Variants in TNC observed in about 807,000 individuals in gnomAD.
The protein encoded by TNC is tenascin C.
A neutral mutation model predicts 202.4 loss-of-function variants in TNC; 109 were observed. The observed-to-expected ratio is 0.54, with a 90% CI of 0.46 to 0.63. The LOEUF (loss-of-function observed/expected upper bound fraction) is 0.63, where lower values mean the gene tolerates loss of function less well. Among genes scored for constraint, TNC ranks in the 30% least tolerant of loss-of-function variants. The pLI is 0.00. For synonymous variants in TNC, 1,007 were observed against 1,089.7 expected (o/e 0.92, Z 1.50); for missense variants, 2,756 against 2,833.3 (o/e 0.97, Z 0.62).
intron 10 of TNC, among the ~76,000 whole-genome samples, chr9:115,072,674 A>G (rs10982514): frequency 0.086 from 13,161 of 152,206 alleles, 706 homozygotes; most frequent in African/African-American, 0.15. Context: ...AGCAGGCACA[A>G]ATGAGTCCAC....
intron 13 of TNC, 102 bp from the exon 14 acceptor site, chr9:115,060,104 A>C: frequency 7.6e-7 from 1 of 1,316,030 alleles, no homozygotes; most frequent in Non-Finnish European, 1.0e-6. Flanking sequence ...GGGGAAAGAT[A>C]ATTTTTTTTT....
intron 2 of TNC, among the ~76,000 whole-genome samples, chr9:115,087,645 C>T (rs1353503929): frequency 6.6e-6 from 1 of 151,576 alleles, no homozygotes; most frequent in Non-Finnish European, 1.5e-5. Flanking sequence ...GATTATGAGT[C>T]ACTGCCTTGT....
At chr9:115,075,864 C>T (rs1833806813) in intron 9 of TNC, among the ~76,000 whole-genome samples, 168 bp downstream of exon 9, 2 of 152,190 alleles carry the variant, frequency 1.3e-5, no homozygotes, top group Admixed American at 1.3e-4. Context: ...TACAGATGGA[C>T]CGTACTTATG....
chr9:115,060,393 G>A (rs1396415461), intron 13 of TNC, among the ~76,000 whole-genome samples: 6 of 152,314 alleles, frequency 3.9e-5, no homozygotes, highest in African/African-American at 1.4e-4. Flanking sequence ...CCCAATACTA[G>A]CATTTGCTAG....
intron 15 of TNC, among the ~76,000 whole-genome samples, chr9:115,056,111 G>A (rs546511799): frequency 5.9e-5 from 9 of 152,224 alleles, no homozygotes; most frequent in African/African-American, 9.6e-5. Context: ...TTGATGCTAC[G>A]ATGTCAACCC....
At chr9:115,094,873 G>A (rs542729436) in intron 1 of TNC, among the ~76,000 whole-genome samples, 9 of 150,054 alleles carry the variant, frequency 6.0e-5, no homozygotes, top group East Asian at 2.0e-4. Context: ...GTGTGTGTGC[G>A]TTTATGTGCT....
chr9:115,090,616 A>G lies in TNC; in HGVS notation c.403T>C (p.Ser135Pro). The G allele has an allele frequency of 6.2e-7, 1 of 1,606,506 alleles. No individual in the cohort carries two copies. Among genetic ancestry groups the G allele is most frequent in the Non-Finnish European group, 8.5e-7 (1 of 1,175,572 alleles). Residue 135 changes from serine to proline, a missense_variant, in exon 2 of 28, where the codon TCC becomes CCC. Coordinates refer to ENST00000350763, the MANE Select transcript of TNC (RefSeq NM_002160.4). ...RLEELENLVS[S>P]LREQCTAGAG... ...CCTGCAGTACATTGCTCCCTCAGGG[A>G]AGACACCAGGTTCTCCAGCTCCTCC... is the stretch of plus-strand genomic sequence containing the variant.
At chr9:115,031,487 G>A (rs763017870) in intron 23 of TNC, 66 bp downstream of exon 23, 114 of 1,399,536 alleles carry the variant, frequency 8.1e-5, no homozygotes, top group Non-Finnish European at 1.0e-4. Flanking sequence ...AAGTCAAAGG[G>A]GAAGTCAAGG....
chr9:115,037,220 A>T (rs1216090342), intron 20 of TNC, among the ~76,000 whole-genome samples: 1 of 152,234 alleles, frequency 6.6e-6, no homozygotes, highest in Non-Finnish European at 1.5e-5. Flanking sequence ...CAGAGGCTCC[A>T]GGCACAGACG....
At position 115,048,596 on chromosome 9, in the gene TNC, C is replaced by A. The variant is rs1335287437; in HGVS notation, c.4580-64G>T. The A allele has an allele frequency of 6.0e-6, 9 of 1,500,232 alleles. No homozygotes were observed. The South Asian group carries it at 6.4e-5, about 11-fold the overall frequency. 92.9% of individuals were successfully genotyped at this position (1,500,232 alleles called of 1,614,324 possible). On this transcript the variant is annotated intron_variant, in intron 15 of 27. Transcript: ENST00000350763. ...GCACTGACTCTGTCAGGATAGCACA[C>A]GTTTCCAAGAACACCAATAGATACC...
chr9:115,040,405 C>T (rs895528818), intron 19 of TNC, among the ~76,000 whole-genome samples: 1 of 152,174 alleles, frequency 6.6e-6, no homozygotes, highest in African/African-American at 2.4e-5. Context: ...ATCACATGCT[C>T]ATGTGAAACA....
intron 20 of TNC, among the ~76,000 whole-genome samples, chr9:115,036,772 G>C (rs964154459): frequency 3.3e-5 from 5 of 152,232 alleles, no homozygotes; most frequent in African/African-American, 1.2e-4. Context: ...GTGGTGGAAA[G>C]CAATACTGAT....
intron 3 of TNC, among the ~76,000 whole-genome samples, chr9:115,084,898 C>T (rs187945715): frequency 5.5e-4 from 83 of 152,250 alleles, no homozygotes; most frequent in East Asian, 3.7e-3. Context: ...TAAGACAGAA[C>T]GCCTTGACCA....
intron 9 of TNC, among the ~76,000 whole-genome samples, chr9:115,075,235 C>A (rs975095329): frequency 6.6e-6 from 1 of 152,050 alleles, no homozygotes; most frequent in Non-Finnish European, 1.5e-5. Flanking sequence ...GAATCAATGA[C>A]CTCAAATCAG....
chr9:115,046,781 C>T, intron 16 of TNC, 99 bp from the exon 17 acceptor site: 2 of 1,384,426 alleles, frequency 1.4e-6, no homozygotes, highest in South Asian at 1.4e-5. Context: ...TGTAGTGATG[C>T]CCCGGCTTTC....
intron 1 of TNC, among the ~76,000 whole-genome samples, chr9:115,111,305 C>T (rs1049861955): frequency 6.7e-6 from 1 of 150,370 alleles, no homozygotes; most frequent in African/African-American, 2.4e-5. Context: ...TTCTAACAAA[C>T]AGAATATGAC....
intron 23 of TNC, 126 bp downstream of exon 23, chr9:115,031,427 T>A (rs1325324759): frequency 9.2e-7 from 1 of 1,087,656 alleles, no homozygotes; most frequent in African/African-American, 1.6e-5. Context: ...TTCCAAGTAG[T>A]AGCAGTGAAT....
intron 21 of TNC, chr9:115,035,872 T>C (rs1830282666): frequency 2.0e-6 from 1 of 488,404 alleles, no homozygotes; most frequent in Non-Finnish European, 3.6e-6. Flanking sequence ...CTTAAAATCT[T>C]TTCCTTCCCC....
At position 115,021,796 on chromosome 9, in the gene TNC, A is replaced by T. The variant is rs1234784193; in HGVS notation, c.6496-529T>A. Among the ~76,000 whole-genome samples the T allele has an allele frequency of 2.0e-5, 3 of 152,200 alleles. No individual in the cohort carries two copies. In the East Asian group the frequency reaches 5.8e-4, roughly 29 times the overall value. On this transcript the variant is annotated intron_variant, in intron 27 of 27. Coordinates refer to ENST00000350763, the MANE Select transcript of TNC (RefSeq NM_002160.4). ...ATCAGTGTTCTTACTTGAGAGATAA[A>T]TAGTCTTAAGTTCTCAATATCTTCT... is the stretch of plus-strand genomic sequence containing the variant.
Sources: gnomAD v4.1 joint callset for allele counts (sites outside exome capture counted in the v4.1 genomes callset) on GRCh38, gnomAD v4.1.1 for gene constraint, MANE v1.5 for transcripts, NCBI Gene and HGNC (gene_info 2026-07-23, HGNC 2026-07-21) for gene names.